PPP1R9A: variants seen among roughly 807,000 people sequenced by gnomAD.
The protein encoded by PPP1R9A is neurabin-1.
In PPP1R9A, 59 loss-of-function variants were observed where a neutral mutation model predicts 141.9. The observed-to-expected ratio is 0.42, with a 90% CI of 0.34 to 0.52. PPP1R9A has a LOEUF of 0.52. Among genes scored for constraint, PPP1R9A ranks in the 20% least tolerant of loss-of-function variants. The probability of loss-of-function intolerance (pLI) is 0.10; values close to 1 mark genes in which losing one functional copy is unlikely to be tolerated. For missense variants in PPP1R9A, 1,444 were observed against 1,611.9 expected, an observed-to-expected ratio of 0.90 and a Z score of 1.78; for synonymous variants, 500 against 569.7, an observed-to-expected ratio of 0.88 and a Z score of 1.74.
intron 7 of PPP1R9A, among the ~76,000 whole-genome samples, chr7:95,209,059 A>G (rs1329581140): frequency 1.3e-5 from 2 of 151,810 alleles, no homozygotes; most frequent in Non-Finnish European, 2.9e-5. Flanking sequence ...GAGGACTTCA[A>G]TGAAAATGAG....
At chr7:94,947,258 G>A (rs542895178) in intron 2 of PPP1R9A, among the ~76,000 whole-genome samples, 2 of 152,224 alleles carry the variant, frequency 1.3e-5, no homozygotes, top group African/African-American at 4.8e-5. Context: ...ATCAGTGCTG[G>A]ACACTCCTTT....
chr7:95,213,113 T>C (rs1187180909), intron 7 of PPP1R9A, among the ~76,000 whole-genome samples: 1 of 151,760 alleles, frequency 6.6e-6, no homozygotes, highest in East Asian at 1.9e-4. Context: ...CTCCATGGGT[T>C]CTCCCTTCTC....
intron 2 of PPP1R9A, among the ~76,000 whole-genome samples, chr7:95,016,528 AT>A (rs1194335405): frequency 6.6e-6 from 1 of 152,192 alleles, no homozygotes; most frequent in Non-Finnish European, 1.5e-5. Flanking sequence ...AGTAGAAGGT[AT>A]CCTAAGAATA....
At position 94,980,602 on chromosome 7, in the gene PPP1R9A, A is replaced by C. The variant is rs1225767394; in HGVS notation, c.1395+69094A>C. 2.9e-5 allele frequency among the ~76,000 whole-genome samples: 4 copies of C among 137,578 alleles called. No homozygotes were observed. The Admixed American group carries it at 3.0e-4, about 10-fold the overall frequency. 90.3% of individuals were successfully genotyped at this position (137,578 alleles called of 152,430 possible). On this transcript the variant is annotated intron_variant, in intron 2 of 19. Coordinates refer to ENST00000433360, the MANE Select transcript of PPP1R9A (RefSeq NM_001166160.2). ...AGGCGCATGCTACCATGCCCAGTTT[A>C]GTGTTTTTTTTTTTTTTTAGAAAAA... is the stretch of plus-strand genomic sequence containing the variant.
intron 2 of PPP1R9A, among the ~76,000 whole-genome samples, chr7:95,073,735 A>T (rs1348894767): frequency 6.8e-6 from 1 of 147,850 alleles, no homozygotes; most frequent in Non-Finnish European, 1.5e-5. Flanking sequence ...ACATATATAT[A>T]TAAATAAATA....
chr7:95,066,550 T>A (rs1261948757), intron 2 of PPP1R9A, among the ~76,000 whole-genome samples: 1 of 152,126 alleles, frequency 6.6e-6, no homozygotes, highest in Non-Finnish European at 1.5e-5. Context: ...GTAGAAGGAA[T>A]AAAGTTTTCT....
At chr7:94,946,376 C>T (rs980103630) in intron 2 of PPP1R9A, among the ~76,000 whole-genome samples, 18 of 152,064 alleles carry the variant, frequency 1.2e-4, no homozygotes, top group African/African-American at 4.3e-4. Flanking sequence ...CTTAGTTGGA[C>T]AATCTCTACT....
chr7:95,189,180 T>A (rs1050193969), intron 5 of PPP1R9A, among the ~76,000 whole-genome samples: 1 of 152,148 alleles, frequency 6.6e-6, no homozygotes, highest in African/African-American at 2.4e-5. Context: ...TTTTCCTTTA[T>A]GTTACCACTT....
chr7:94,934,703 A>T (rs766900238), intron 2 of PPP1R9A, among the ~76,000 whole-genome samples: 1 of 152,084 alleles, frequency 6.6e-6, no homozygotes, highest in African/African-American at 2.4e-5. Flanking sequence ...GGAACTACAT[A>T]TATGTCTGTG....
At chr7:95,278,606 TCTA>T (rs1803616270) in intron 16 of PPP1R9A, among the ~76,000 whole-genome samples, 1 of 152,220 alleles carries the variant, frequency 6.6e-6, no homozygotes, top group Admixed American at 6.5e-5. Context: ...TTATTTATAT[TCTA>T]CTCCTCGTTA....
intron 3 of PPP1R9A, among the ~76,000 whole-genome samples, chr7:95,119,540 T>G (rs1236136810): frequency 1.3e-5 from 2 of 152,144 alleles, no homozygotes; most frequent in Non-Finnish European, 2.9e-5. Context: ...CTGCAACATC[T>G]GCCTCCCAGA....
chr7:94,939,285 A>G (rs1795081847), intron 2 of PPP1R9A, among the ~76,000 whole-genome samples: 1 of 152,118 alleles, frequency 6.6e-6, no homozygotes, highest in Non-Finnish European at 1.5e-5. Flanking sequence ...ACTTAAAAGC[A>G]TTATTATTTA....
rs1254791159 is a variant in PPP1R9A, at chr7:95,026,096, C to T, written c.1396-85163C>T. Among the ~76,000 whole-genome samples, 3 of 152,184 alleles carry T rather than the reference C, an allele frequency of 2.0e-5. No individual in the cohort carries two copies. The East Asian group carries it at 5.8e-4, about 29-fold the overall frequency. On this transcript the variant is annotated intron_variant, in intron 2 of 19. Coordinates refer to ENST00000433360, the MANE Select transcript of PPP1R9A (RefSeq NM_001166160.2). ...TTTCTGTCAGTTTGTCAAACTCATTCTCCATTCAGTTTTGTTTTCTTGCTG... is the reference window on the plus strand; with the variant it reads ...TTTCTGTCAGTTTGTCAAACTCATTTTCCATTCAGTTTTGTTTTCTTGCTG...
intron 6 of PPP1R9A, among the ~76,000 whole-genome samples, chr7:95,202,354 T>TA (rs200552910): frequency 0.013 from 1,975 of 151,080 alleles, 47 homozygotes; most frequent in African/African-American, 0.044. Flanking sequence ...ACATTCTGAT[T>TA]AAAAAAAAAT....
intron 5 of PPP1R9A, among the ~76,000 whole-genome samples, chr7:95,163,539 T>C (rs763053638): frequency 1.3e-5 from 2 of 152,178 alleles, no homozygotes; most frequent in Non-Finnish European, 2.9e-5. Flanking sequence ...AATATTTGCA[T>C]TATATACTTA....
At position 95,128,974 on chromosome 7, in the gene PPP1R9A, A is replaced by G. The variant is rs1430215783; in HGVS notation, c.1649+8142A>G. On this transcript the variant is annotated intron_variant, in intron 4 of 19. Coordinates refer to ENST00000433360, the MANE Select transcript of PPP1R9A (RefSeq NM_001166160.2). ...CTAGGTTTTCGTCTATGATTCTTAT[A>G]GTTTGAGGTCTTACGTTTAAATCTT... Among the ~76,000 whole-genome samples, 11 of 152,150 alleles carry G rather than the reference A, an allele frequency of 7.2e-5. No individual in the cohort carries two copies. The East Asian group carries it at 2.1e-3, about 29-fold the overall frequency.
chr7:95,287,806 C>T (rs979843051), intron 18 of PPP1R9A, among the ~76,000 whole-genome samples: 1 of 152,160 alleles, frequency 6.6e-6, no homozygotes, highest in East Asian at 1.9e-4. Flanking sequence ...CTGCCTCAGC[C>T]TCTCGAATAA....
At chr7:94,950,060 T>C (rs1397823798) in intron 2 of PPP1R9A, among the ~76,000 whole-genome samples, 1 of 152,244 alleles carries the variant, frequency 6.6e-6, no homozygotes, top group South Asian at 2.1e-4. Context: ...AGGTGAATTA[T>C]ATCTATTGCA....
chr7:95,132,866 A>G (rs558151648), intron 4 of PPP1R9A, among the ~76,000 whole-genome samples: 1 of 152,268 alleles, frequency 6.6e-6, no homozygotes, highest in African/African-American at 2.4e-5. Flanking sequence ...GGTGCCAGCA[A>G]CTGTTGAGCC....
Sources: allele counts gnomAD v4.1 joint callset (sites outside exome capture counted in the v4.1 genomes callset), GRCh38; gene constraint gnomAD v4.1.1; transcripts MANE v1.5; gene names NCBI Gene and HGNC (gene_info 2026-07-23, HGNC 2026-07-21).